Variants in MOV10 observed in about 807,000 individuals in gnomAD.
The protein encoded by MOV10 is Mov10 RNA helicase.
Under a neutral mutation model 108.4 loss-of-function variants are expected in MOV10, and 39 were observed. The observed-to-expected ratio is 0.36, with a 90% CI of 0.28 to 0.47. The LOEUF (loss-of-function observed/expected upper bound fraction) is 0.47, where lower values mean the gene tolerates loss of function less well. Among genes scored for constraint, MOV10 ranks in the 20% least tolerant of loss-of-function variants. The pLI, the probability that MOV10 is intolerant of heterozygous loss-of-function variation, is 1.00. For synonymous variants in MOV10, 490 were observed against 523.1 expected, an observed-to-expected ratio of 0.94 and a Z score of 0.86; for missense variants, 952 against 1,297.6, an observed-to-expected ratio of 0.73 and a Z score of 4.09.
intron 17 of MOV10, 45 bp downstream of exon 17, chr1:112,698,834 C>T (rs759472136): frequency 1.1e-5 from 17 of 1,517,456 alleles, no homozygotes; most frequent in African/African-American, 6.9e-5. Flanking sequence ...CGTGTGCCCC[C>T]ACTTGCCCAC....
At chr1:112,695,012 C>T in intron 10 of MOV10, 116 bp downstream of exon 10, 1 of 1,294,978 alleles carries the variant, frequency 7.7e-7, no homozygotes, top group Admixed American at 2.6e-5. Context: ...AAGCAGCCAT[C>T]AGAAAGAGAG....
intron 2 of MOV10, chr1:112,688,680 A>C: frequency 7.3e-7 from 1 of 1,375,998 alleles, no homozygotes; most frequent in African/African-American, 1.4e-5. Context: ...TTTTCCCCTC[A>C]GAAACGAACA....
At chr1:112,685,815 A>AGGTGAATTTG (rs1404786273) in intron 2 of MOV10, among the ~76,000 whole-genome samples, 4 of 152,330 alleles carry the variant, frequency 2.6e-5, no homozygotes, top group African/African-American at 9.6e-5. Context: ...GACCAATGTT[A>AGGTGAATTTG]GGTGAATTTG....
intron 17 of MOV10, 37 bp from the exon 18 acceptor site, chr1:112,699,648 C>G: frequency 6.2e-7 from 1 of 1,613,580 alleles, no homozygotes. Context: ...CTTTGACACC[C>G]CTGGCTGGTC....
chr1:112,689,381 AC>A, intron 3 of MOV10, 33 bp from the exon 4 acceptor site: 1 of 738,824 alleles, frequency 1.4e-6, no homozygotes, highest in Admixed American at 1.9e-5. Context: ...GACCGCTCCC[AC>A]CCCAACCCCC....
Position 112,694,032 on chromosome 1 carries a change from T to C in MOV10, c.1155T>C (p.Thr385=). The C allele has an allele frequency of 6.2e-7, 1 of 1,614,064 alleles. No homozygotes were observed. The highest frequency in any genetic ancestry group is 8.5e-7 in the Non-Finnish European group (1 of 1,179,968). The part of the protein sequence containing the change: ...RLLTLEVPGV[T]ESRPSVLRGD... ...ACACCCCATAGGTTCCTGGAGTGAC[T>C]GAGAGCCGCCCCTCAGTGCTACGGG... Residue 385 remains threonine, a synonymous_variant, in exon 8 of 21, where the codon ACT becomes ACC. Transcript: ENST00000369645. This position sits in a 1 kb window ranked among gnomAD's most constrained non-coding sequence, Gnocchi z 4.1.
chr1:112,698,859 T>A lies in MOV10; in HGVS notation c.2583+70T>A, dbSNP rs1168750730. On this transcript the variant is annotated intron_variant, in intron 17 of 20. Transcript: ENST00000369645. ...CACTTGCCCACTTCCAGAGACTTCCTCAAGCTTCCACTCCAGCCCACGTCC... is the reference window on the plus strand; with the variant it reads ...CACTTGCCCACTTCCAGAGACTTCCACAAGCTTCCACTCCAGCCCACGTCC... The A allele has an allele frequency of 2.2e-6, 3 of 1,343,024 alleles. No homozygotes were observed. In the East Asian group the frequency reaches 6.9e-5, roughly 31 times the overall value. 83.2% of individuals were successfully genotyped at this position (1,343,024 alleles called of 1,614,324 possible). A position where few individuals can be genotyped will look rare whatever the true frequency, so the allele number is the denominator to read the frequency against.
At chr1:112,688,685 C>T (rs554614038) in intron 2 of MOV10, 58 of 1,382,216 alleles carry the variant, frequency 4.2e-5, no homozygotes, top group South Asian at 3.4e-4. Context: ...CCCTCAGAAA[C>T]GAACAATCCA....
chr1:112,675,194 T>C lies in MOV10; in HGVS notation c.137+145T>C. On this transcript the variant is annotated intron_variant, in intron 2 of 20. Transcript: ENST00000369645. This position sits in a 1 kb window ranked among gnomAD's most constrained non-coding sequence, Gnocchi z 4.7. ...GGCCAGTCCCGGGGCGGCGCAGACC[T>C]CCCCTCCCGCGCCTCGCCCACGCCC... 4 of 854,882 alleles carry C rather than the reference T, an allele frequency of 4.7e-6. No homozygotes were observed. Among genetic ancestry groups the C allele is most frequent in the Non-Finnish European group, 4.9e-6 (3 of 606,928 alleles). The allele number at this position is 854,882 out of a possible 1,614,324, so 53.0% of individuals were successfully genotyped here.
At chr1:112,680,483 C>A (rs1215502065) in intron 2 of MOV10, among the ~76,000 whole-genome samples, 1 of 151,332 alleles carries the variant, frequency 6.6e-6, no homozygotes, top group Non-Finnish European at 1.5e-5. Flanking sequence ...GGTGAAACCC[C>A]ATCTCTACTA....
rs149318798 is a variant in MOV10, at chr1:112,692,662, A to T, written c.972-99A>T. ...TTCTCTGCTTTTTGACGCTAGTTCC[A>T]GAGCTTCAGGTGGGAGAAGGTGGAT... On this transcript the variant is annotated intron_variant, in intron 6 of 20. Coordinates refer to ENST00000369645, the MANE Select transcript of MOV10 (RefSeq NM_001321324.2). 4.1e-6 allele frequency: 6 copies of T among 1,473,676 alleles called. No individual in the cohort carries two copies. In the East Asian group the frequency reaches 1.4e-4, roughly 35 times the overall value. The allele number at this position is 1,473,676 out of a possible 1,614,324, so 91.3% of individuals were successfully genotyped here. A position where few individuals can be genotyped will look rare whatever the true frequency, so the allele number is the denominator to read the frequency against.
At chr1:112,689,341 A>G in intron 3 of MOV10, 74 bp from the exon 4 acceptor site, 2 of 1,449,746 alleles carry the variant, frequency 1.4e-6, no homozygotes, top group Non-Finnish European at 1.9e-6. Context: ...TCCCAAGCCT[A>G]AAGCTTTCCC....
Position 112,698,362 on chromosome 1 carries a change from G to GT in MOV10, c.2392_2393insT (p.Glu798ValfsTer51). ...CAACAGCCCATCCTTCTTCAACCCT[G>GT]AAGAGGCTGCCACAGTGACTTCCTA... On this transcript the variant is annotated frameshift_variant, in exon 16 of 21. Transcript: ENST00000369645. LOFTEE classifies it high-confidence loss of function. The GT allele has an allele frequency of 6.2e-7, 1 of 1,614,212 alleles. No individual in the cohort carries two copies. Among genetic ancestry groups the GT allele is most frequent in the African/African-American group, 1.3e-5 (1 of 75,054 alleles).
rs1028548539 is a variant in MOV10 at position 112,700,542 on chromosome 1, C to A, written c.*35C>A. On this transcript the variant is annotated 3_prime_UTR_variant, in exon 21 of 21. Transcript: ENST00000369645. ...ACCCAGCCTTCTCGCACCAGCCAAG[C>A]CTTAACTGCCTGCCTGACCCTGAAC... 3.4e-5 allele frequency: 55 copies of A among 1,608,706 alleles called. No homozygotes were observed. Among genetic ancestry groups the A allele is most frequent in the Non-Finnish European group, 4.4e-5 (52 of 1,177,250 alleles).
rs779468065 is a variant in MOV10 at position 112,692,750 on chromosome 1, A to G, written c.972-11A>G. 2.0e-5 allele frequency: 32 copies of G among 1,613,598 alleles called. No homozygotes were observed. The Admixed American group carries it at 3.7e-4, about 18-fold the overall frequency. On this transcript the variant is annotated splice_polypyrimidine_tract_variant and intron_variant, in intron 6 of 20. Transcript: ENST00000369645. ...CTGCCCCCACTCACCCCTCCCAACCATCATTTCCAGGGCCCAGCTGGAGAC... is the reference window on the plus strand; with the variant it reads ...CTGCCCCCACTCACCCCTCCCAACCGTCATTTCCAGGGCCCAGCTGGAGAC...
chr1:112,681,450 C>T (rs999621977), intron 2 of MOV10, among the ~76,000 whole-genome samples: 27 of 152,102 alleles, frequency 1.8e-4, no homozygotes, highest in Non-Finnish European at 3.1e-4. Context: ...GCCAAGATGG[C>T]GCCATTGCAC....
chr1:112,697,873 A>C (rs1674251073), intron 14 of MOV10, 121 bp from the exon 15 acceptor site: 2 of 773,960 alleles, frequency 2.6e-6, no homozygotes, highest in Non-Finnish European at 4.5e-6. Flanking sequence ...GTGTCCTGCT[A>C]TCCAGGGAGC....
chr1:112,677,534 G>A (rs780244474), intron 2 of MOV10, among the ~76,000 whole-genome samples: 1 of 152,012 alleles, frequency 6.6e-6, no homozygotes, highest in Non-Finnish European at 1.5e-5. Flanking sequence ...TTATGGTCAC[G>A]TTACACTCTG....
At position 112,694,515 on chromosome 1, in the gene MOV10, C is replaced by T. The variant is rs1271000315; in HGVS notation, c.1358C>T (p.Pro453Leu). Reference protein sequence around the residue: ...FKVNFTFNRQPLRVQHRALEL... With the variant: ...FKVNFTFNRQLLRVQHRALEL... ...GTGAACTTTACCTTCAACCGCCAGC[C>T]GCTGCGAGTCCAGCACCGTGCCCTG... Residue 453 changes from proline to leucine, a missense_variant, in exon 9 of 21, where the codon CCG becomes CTG. Physicochemically the swap from Pro to Leu is moderately conservative, Grantham distance 98. This residue lies in a region of MOV10 where 453 missense variants were observed against 611.5 expected (regional missense o/e 0.74). Coordinates refer to ENST00000369645, the MANE Select transcript of MOV10 (RefSeq NM_001321324.2). The surrounding 1 kb of genome is among the most constrained non-coding windows in gnomAD (Gnocchi z 4.1). The T allele has an allele frequency of 6.2e-6, 10 of 1,614,050 alleles. No individual in the cohort carries two copies. The highest frequency in any genetic ancestry group is 1.6e-4 in the Middle Eastern group (1 of 6,080).
Sources: allele counts gnomAD v4.1 joint callset (sites outside exome capture counted in the v4.1 genomes callset), GRCh38; gene constraint gnomAD v4.1.1; regional missense constraint gnomAD v4.1.1; non-coding constraint Gnocchi (gnomAD v3.1); transcripts MANE v1.5; gene names NCBI Gene and HGNC (gene_info 2026-07-23, HGNC 2026-07-21).